ZC3H12C: variants seen among roughly 807,000 people sequenced by gnomAD.
ZC3H12C encodes zinc finger CCCH-type containing 12C, also known as probable ribonuclease ZC3H12C.
In ZC3H12C, 20 loss-of-function variants were observed where a neutral mutation model predicts 76.3. That is an observed-to-expected ratio of 0.26 (90% CI 0.18 to 0.38). The LOEUF is 0.38. Among genes scored for constraint, ZC3H12C ranks in the 10% least tolerant of loss-of-function variants. ZC3H12C has a pLI of 1.00. For missense variants in ZC3H12C, 874 were observed against 1,086.5 expected (o/e 0.80, Z 2.75); for synonymous variants, 352 against 399.6 (o/e 0.88, Z 1.42).
At position 110,118,317 on chromosome 11, in the gene ZC3H12C, G is replaced by A. The variant is rs767823200; in HGVS notation, c.22-18346G>A. 6.1e-4 allele frequency among the ~76,000 whole-genome samples: 93 copies of A among 151,764 alleles called. 1 individual carries two copies. The highest frequency in any genetic ancestry group is 3.4e-3 in the Middle Eastern group (1 of 294). On this transcript the variant is annotated intron_variant, in intron 1 of 5. Coordinates refer to ENST00000278590, the MANE Select transcript of ZC3H12C (RefSeq NM_033390.2). ...TTATATACACCTGAAAAACCCAAGC[G>A]CCTCGGTGAAACACTACCATTAAGA...
Position 110,137,310 on chromosome 11 carries a change from T to C in ZC3H12C, c.669T>C (p.Ser223=), listed in dbSNP as rs1376398306. 1.2e-6 allele frequency: 2 copies of C among 1,613,952 alleles called. No homozygotes were observed. Among genetic ancestry groups the C allele is most frequent in the South Asian group, 2.2e-5 (2 of 91,060 alleles). ...TTAACACTATAACACGGGAAACTTC[T>C]TCCCTGGAATCTCAGAGGTCTGAAT... The part of the protein sequence containing the change: ...STINTITRET[S]SLESQRSESP... The change falls in exon 2 of 6, where the codon TCT becomes TCC. Residue 223 remains serine (S), a synonymous_variant. Coordinates refer to ENST00000278590, the MANE Select transcript of ZC3H12C (RefSeq NM_033390.2).
intron 2 of ZC3H12C, among the ~76,000 whole-genome samples, chr11:110,143,009 G>C (rs1390884799): frequency 6.6e-6 from 1 of 152,134 alleles, no homozygotes. Context: ...CTGTGAATGA[G>C]ATTTAGCTTC....
chr11:110,096,695 T>A (rs1209740428), intron 1 of ZC3H12C, among the ~76,000 whole-genome samples: 1 of 152,252 alleles, frequency 6.6e-6, no homozygotes, highest in African/African-American at 2.4e-5. Context: ...ATGTATGTTG[T>A]TTTGTTGACA....
chr11:110,093,450 G>C lies in ZC3H12C; in HGVS notation c.21+18G>C, dbSNP rs748611213. On this transcript the variant is annotated intron_variant, in intron 1 of 5. Coordinates refer to ENST00000278590, the MANE Select transcript of ZC3H12C (RefSeq NM_033390.2). ...GCTCCCAGGTTTGTCCTCGGGAAGGGGGTGGGGGACGCGGACCGCGGCGAG... is the reference window on the plus strand; with the variant it reads ...GCTCCCAGGTTTGTCCTCGGGAAGGCGGTGGGGGACGCGGACCGCGGCGAG... The C allele has an allele frequency of 3.3e-6, 4 of 1,205,648 alleles. No individual in the cohort carries two copies. The highest frequency in any genetic ancestry group is 3.6e-5 in the East Asian group (1 of 28,158). The allele number at this position is 1,205,648 out of a possible 1,614,324, so 74.7% of individuals were successfully genotyped here.
At chr11:110,151,039 A>G (rs1222341430) in intron 2 of ZC3H12C, among the ~76,000 whole-genome samples, 1 of 152,168 alleles carries the variant, frequency 6.6e-6, no homozygotes, top group Non-Finnish European at 1.5e-5. Context: ...GATATTTACC[A>G]TTAACGACAT....
intron 1 of ZC3H12C, among the ~76,000 whole-genome samples, chr11:110,099,625 A>G (rs1199590958): frequency 2.6e-5 from 4 of 152,076 alleles, no homozygotes; most frequent in Non-Finnish European, 5.9e-5. Context: ...GAATTTGTAC[A>G]TGAATTTTTA....
chr11:110,098,847 A>C (rs1380563223), intron 1 of ZC3H12C, among the ~76,000 whole-genome samples: 1 of 152,246 alleles, frequency 6.6e-6, no homozygotes, highest in East Asian at 1.9e-4. Flanking sequence ...CTAAGGATGC[A>C]TTTCTCAGAA....
At chr11:110,094,609 A>G (rs922098325) in intron 1 of ZC3H12C, among the ~76,000 whole-genome samples, 2 of 152,234 alleles carry the variant, frequency 1.3e-5, no homozygotes, top group Non-Finnish European at 2.9e-5. Flanking sequence ...TCATTTAATC[A>G]CATGTACAAT....
chr11:110,099,109 CGTT>C (rs934207696), intron 1 of ZC3H12C, among the ~76,000 whole-genome samples: 16 of 152,220 alleles, frequency 1.1e-4, no homozygotes, highest in African/African-American at 3.9e-4. Context: ...ATATTTCTAA[CGTT>C]GTGTTATTTA....
rs758998245 is a variant in ZC3H12C at position 110,165,328 on chromosome 11, T to C, written c.2243T>C (p.Ile748Thr). ...HLGRSLVATRIDSISDSRLYD... is the reference protein window; with the variant it reads ...HLGRSLVATRTDSISDSRLYD... ...GGGAGGTCCTTGGTGGCCACGAGAA[T>C]AGACAGCATCTCTGACTCTCGACTT... is the stretch of plus-strand genomic sequence containing the variant. The change falls in exon 6 of 6, where the codon ATA becomes ACA. Residue 748 changes from isoleucine to threonine, a missense_variant. Ile to Thr is a moderately conservative substitution (Grantham distance 89). This residue lies in a region of ZC3H12C where 395 missense variants were observed against 434.4 expected (regional missense o/e 0.91). Coordinates refer to ENST00000278590, the MANE Select transcript of ZC3H12C (RefSeq NM_033390.2). 1 of 1,613,972 alleles carries C rather than the reference T, an allele frequency of 6.2e-7. No individual in the cohort carries two copies. The highest frequency in any genetic ancestry group is 1.1e-5 in the South Asian group (1 of 91,076).
At chr11:110,134,949 CTAAT>C (rs1274876961) in intron 1 of ZC3H12C, among the ~76,000 whole-genome samples, 1 of 152,148 alleles carries the variant, frequency 6.6e-6, no homozygotes, top group Non-Finnish European at 1.5e-5. Context: ...ACTTGACTCT[CTAAT>C]TAAAGTTTAC....
In ZC3H12C at chr11:110,136,983, T is replaced by A. The variant is rs1477331143; in HGVS notation, c.342T>A (p.Thr114=). The A allele has an allele frequency of 1.2e-6, 2 of 1,613,762 alleles. No homozygotes were observed. Among genetic ancestry groups the A allele is most frequent in the South Asian group, 2.2e-5 (2 of 91,032 alleles). ...TTTCAGTAGAGCCAGGCTTGATAAC[T>A]AAGACTCACAGACAGCTCTGCAGGT... is the stretch of plus-strand genomic sequence containing the variant. ...GSISVEPGLI[T]KTHRQLCRSP... is the part of the protein sequence containing the mutation. The change falls in exon 2 of 6, where the codon ACT becomes ACA. Residue 114 remains threonine, a synonymous_variant. Coordinates refer to ENST00000278590, the MANE Select transcript of ZC3H12C (RefSeq NM_033390.2).
At chr11:110,143,803 G>A (rs536772113) in intron 2 of ZC3H12C, among the ~76,000 whole-genome samples, 30 of 152,216 alleles carry the variant, frequency 2.0e-4, no homozygotes, top group African/African-American at 4.6e-4. Flanking sequence ...GATTACAGGC[G>A]TGAGCCACCG....
chr11:110,163,518 G>T, intron 5 of ZC3H12C, 139 bp downstream of exon 5: 1 of 592,864 alleles, frequency 1.7e-6, no homozygotes. Flanking sequence ...TTCAGAAAAC[G>T]TCTTAGCCAT....
At chr11:110,103,615 T>G (rs960260410) in intron 1 of ZC3H12C, among the ~76,000 whole-genome samples, 1 of 151,758 alleles carries the variant, frequency 6.6e-6, no homozygotes, top group African/African-American at 2.4e-5. Context: ...TTTTTTTTGT[T>G]TTTTTTTTGA....
chr11:110,097,515 A>G (rs559607411), intron 1 of ZC3H12C, among the ~76,000 whole-genome samples: 70 of 152,194 alleles, frequency 4.6e-4, no homozygotes, highest in Non-Finnish European at 6.2e-4. Context: ...ACGCTATGAA[A>G]CATTTATTGT....
intron 3 of ZC3H12C, among the ~76,000 whole-genome samples, chr11:110,153,407 C>A: frequency 6.6e-6 from 1 of 152,228 alleles, no homozygotes; most frequent in South Asian, 2.1e-4. Flanking sequence ...AGGCTGGTCT[C>A]GAACTCCTGA....
intron 1 of ZC3H12C, among the ~76,000 whole-genome samples, chr11:110,113,677 A>G (rs1261013263): frequency 6.6e-6 from 1 of 152,202 alleles, no homozygotes; most frequent in Non-Finnish European, 1.5e-5. Flanking sequence ...CTCAGGGACC[A>G]TTAGTAACCT....
chr11:110,095,668 G>C (rs962925871), intron 1 of ZC3H12C, among the ~76,000 whole-genome samples: 3 of 152,198 alleles, frequency 2.0e-5, no homozygotes, highest in African/African-American at 4.8e-5. Context: ...TATGTGGAAA[G>C]TACTAAGTTC....
Sources: allele counts gnomAD v4.1 joint callset (sites outside exome capture counted in the v4.1 genomes callset), GRCh38; gene constraint gnomAD v4.1.1; regional missense constraint gnomAD v4.1.1; transcripts MANE v1.5; gene names NCBI Gene and HGNC (gene_info 2026-07-23, HGNC 2026-07-21).